NCAPD3: variants seen among roughly 807,000 people sequenced by gnomAD.
NCAPD3 encodes the protein non-SMC condensin II complex subunit D3, also known as condensin-2 complex subunit D3.
A neutral mutation model predicts 182.9 loss-of-function variants in NCAPD3; 105 were observed. The observed-to-expected ratio is 0.57, with a 90% confidence interval of 0.49 to 0.68. NCAPD3 has a LOEUF of 0.68. NCAPD3 is among the 30% of genes least tolerant of loss of function. The pLI is 0.00. For synonymous variants in NCAPD3, 815 were observed against 679.9 expected (o/e 1.20, Z -3.09); for missense variants, 1,944 against 1,837.0 (o/e 1.06, Z -1.07).
intron 27 of NCAPD3, among the ~76,000 whole-genome samples, chr11:134,166,660 CACTT>C (rs35808778): frequency 0.013 from 1,113 of 86,376 alleles, 22 homozygotes; most frequent in Non-Finnish European, 0.02. Context: ...GCAGCACACT[CACTT>C]GTGAGATGAG....
chr11:134,155,062 G>A (rs1250248697), intron 32 of NCAPD3, among the ~76,000 whole-genome samples: 2 of 152,122 alleles, frequency 1.3e-5, no homozygotes, highest in Non-Finnish European at 2.9e-5. Flanking sequence ...GGGCTCTGAC[G>A]TCCCCCATGC....
intron 19 of NCAPD3, among the ~76,000 whole-genome samples, chr11:134,182,630 G>A (rs1243640820): frequency 6.6e-6 from 1 of 152,132 alleles, no homozygotes; most frequent in Non-Finnish European, 1.5e-5. Flanking sequence ...CCAGCACACA[G>A]GATCACTGCT....
intron 24 of NCAPD3, among the ~76,000 whole-genome samples, chr11:134,172,085 G>C (rs1294950986): frequency 6.6e-6 from 1 of 152,164 alleles, no homozygotes; most frequent in Non-Finnish European, 1.5e-5. Flanking sequence ...AAGACAGCTG[G>C]AAGTGGGTCC....
intron 1 of NCAPD3, chr11:134,223,212 G>A: frequency 1.8e-6 from 1 of 554,214 alleles, no homozygotes; most frequent in Non-Finnish European, 3.2e-6. Flanking sequence ...CAAAAGTGTG[G>A]GGGATGGGCT....
At position 134,216,963 on chromosome 11, in the gene NCAPD3, G is replaced by GC. The variant is rs1191243534; in HGVS notation, c.354dup (p.Leu119AlafsTer23). The GC allele has an allele frequency of 6.2e-7, 1 of 1,613,002 alleles. No individual in the cohort carries two copies. The highest frequency in any genetic ancestry group is 2.2e-5 in the East Asian group (1 of 44,858). ...GGTACTTCTAGTAGCAAAAAGTAAA[G>GC]CCCAGCGGCATGAAGGCCATATTCT... On this transcript the variant is annotated frameshift_variant, in exon 3 of 35. Coordinates refer to ENST00000534548, the MANE Select transcript of NCAPD3 (RefSeq NM_015261.3). LOFTEE classifies it high-confidence loss of function.
Position 134,152,655 on chromosome 11 carries a change from A to G in NCAPD3, c.*289T>C, listed in dbSNP as rs577559546. The G allele has an allele frequency of 6.8e-4, 197 of 291,046 alleles. No individual in the cohort carries two copies. Among genetic ancestry groups the G allele is most frequent in the Middle Eastern group, 2.0e-3 (2 of 1,016 alleles). The allele number at this position is 291,046 out of a possible 1,614,324, so 18.0% of individuals were successfully genotyped here. On this transcript the variant is annotated 3_prime_UTR_variant, in exon 35 of 35. Transcript: ENST00000534548. ...TTGTGTTCCTTAAAGACCAGATTAT[A>G]GCTTATCTGAATGGGCTTGACACTT... is the stretch of plus-strand genomic sequence containing the variant.
chr11:134,204,921 A>T lies in NCAPD3; in HGVS notation c.1067T>A (p.Leu356Ter). 6.2e-7 allele frequency: 1 copy of T among 1,613,730 alleles called. No individual in the cohort carries two copies. Among genetic ancestry groups the T allele is most frequent in the Non-Finnish European group, 8.5e-7 (1 of 1,179,652 alleles). Residue 356 changes from leucine (L) to a stop codon, truncating the protein, a stop_gained, in exon 9 of 35, where the codon TTA becomes TAA. Coordinates refer to ENST00000534548, the MANE Select transcript of NCAPD3 (RefSeq NM_015261.3). LOFTEE classifies it high-confidence loss of function. The surrounding 1 kb of genome is among the most constrained non-coding windows in gnomAD (Gnocchi z 4.3). ...KESIFPVVRI[L>*]LQHICAKVVD... ...TACCTTGGCACAGATGTGCTGCAGTAAGATACGGACGACTGGGAATATACT... is the reference window on the plus strand; with the variant it reads ...TACCTTGGCACAGATGTGCTGCAGTTAGATACGGACGACTGGGAATATACT...
intron 13 of NCAPD3, among the ~76,000 whole-genome samples, chr11:134,201,944 TC>T (rs1334911204): frequency 6.6e-6 from 1 of 152,188 alleles, no homozygotes; most frequent in Admixed American, 6.5e-5. Flanking sequence ...AGTAATGTAA[TC>T]ATCCTCAGGG....
At chr11:134,180,947 A>G (rs1944282053) in intron 20 of NCAPD3, 130 bp downstream of exon 20, 1 of 630,492 alleles carries the variant, frequency 1.6e-6, no homozygotes, top group Non-Finnish European at 2.8e-6. Flanking sequence ...CTAAAAAGAG[A>G]AAGTAAGCTC....
Position 134,159,897 on chromosome 11 carries a change from C to G in NCAPD3, c.3862G>C (p.Ala1288Pro), listed in dbSNP as rs755790175. The change falls in exon 29 of 35, where the codon GCA becomes CCA. Residue 1288 changes from alanine (A) to proline (P), a missense_variant. By Grantham distance (27) the Ala-to-Pro change is conservative. Transcript: ENST00000534548. ...TAGGAEVAPV[A>P]QVALCLETVP... Reference sequence around the variant, plus strand: ...GCAGTGGGCCCCACACCTACCTGTGCCACAGGTGCCACCTCAGCACCTCCA... The same window carrying G: ...GCAGTGGGCCCCACACCTACCTGTGGCACAGGTGCCACCTCAGCACCTCCA... 1 of 1,612,084 alleles carries G rather than the reference C, an allele frequency of 6.2e-7. No individual in the cohort carries two copies. Among genetic ancestry groups the G allele is most frequent in the South Asian group, 1.1e-5 (1 of 90,910 alleles).
rs568813069 is a variant in NCAPD3 at position 134,158,129 on chromosome 11, C to T, written c.4035-62G>A. On this transcript the variant is annotated intron_variant, in intron 30 of 34. Transcript: ENST00000534548. ...GCAGACCACTGCAGAGGTGACAGTG[C>T]TGCACTGTGTCCCCGCGTGCCTCCT... The T allele has an allele frequency of 5.1e-6, 8 of 1,580,256 alleles. No individual in the cohort carries two copies. In the South Asian group the frequency reaches 6.9e-5, roughly 14 times the overall value.
intron 13 of NCAPD3, among the ~76,000 whole-genome samples, chr11:134,200,863 G>T (rs1170784243): frequency 6.6e-6 from 1 of 152,116 alleles, no homozygotes; most frequent in Non-Finnish European, 1.5e-5. Context: ...ACAAAATGTG[G>T]TGTATCCTTA....
chr11:134,218,203 T>C (rs539386091), intron 2 of NCAPD3, among the ~76,000 whole-genome samples: 1 of 150,598 alleles, frequency 6.6e-6, no homozygotes. Flanking sequence ...ACGAGGGTGA[T>C]CGATCACCCT....
chr11:134,172,739 G>T (rs899601982), intron 24 of NCAPD3, among the ~76,000 whole-genome samples: 18 of 152,226 alleles, frequency 1.2e-4, no homozygotes, highest in Admixed American at 1.2e-3. Context: ...GTTTATACCA[G>T]CGATTAAAAA....
chr11:134,161,790 G>C lies in NCAPD3; in HGVS notation c.3675C>G (p.His1225Gln). ...NKIPALRELM[H>Q]YLREVMQDYR... ...CAGGCTCCACCCTTACCCTGAGATA[G>C]TGCATGAGTTCCCGCAAAGCTGGGA... Residue 1225 changes from histidine to glutamine, a missense_variant, in exon 28 of 35, where the codon CAC becomes CAG. Physicochemically the swap from His to Gln is conservative, Grantham distance 24. Transcript: ENST00000534548. The C allele has an allele frequency of 4.5e-6, 7 of 1,556,734 alleles. No individual in the cohort carries two copies. The highest frequency in any genetic ancestry group is 4.4e-6 in the Non-Finnish European group (5 of 1,131,592).
chr11:134,196,280 A>C (rs1944626232), intron 13 of NCAPD3, among the ~76,000 whole-genome samples: 1 of 152,236 alleles, frequency 6.6e-6, no homozygotes, highest in Non-Finnish European at 1.5e-5. Flanking sequence ...CAAGTTTTAG[A>C]AAGACACAAA....
chr11:134,181,235 T>C, intron 19 of NCAPD3, 51 bp from the exon 20 acceptor site: 1 of 1,217,616 alleles, frequency 8.2e-7, no homozygotes, highest in Non-Finnish European at 1.2e-6. Flanking sequence ...TCTCCCAGAC[T>C]ACCCATGAAA....
At position 134,185,375 on chromosome 11, in the gene NCAPD3, C is replaced by A; in HGVS notation, c.2197G>T (p.Asp733Tyr). 4 of 1,613,404 alleles carry A rather than the reference C, an allele frequency of 2.5e-6. No individual in the cohort carries two copies. The highest frequency in any genetic ancestry group is 3.4e-6 in the Non-Finnish European group (4 of 1,179,754). ...SKIAGSSPRL[D>Y]YSRIIQSWEK... ...CAAGATTGTATTATTCTGCTGTAGT[C>A]CAGCCTGGGTGAGGAGCCAGCAATC... Residue 733 changes from aspartate (D) to tyrosine (Y), a missense_variant, in exon 17 of 35, where the codon GAC becomes TAC. This residue lies in a region of NCAPD3 where 1,803 missense variants were observed against 1,674.6 expected (regional missense o/e 1.08). Coordinates refer to ENST00000534548, the MANE Select transcript of NCAPD3 (RefSeq NM_015261.3).
chr11:134,207,465 C>T (rs1374058212), intron 7 of NCAPD3, among the ~76,000 whole-genome samples: 2 of 151,794 alleles, frequency 1.3e-5, no homozygotes, highest in African/African-American at 4.8e-5. Flanking sequence ...AAAAAAATAC[C>T]GACTGGGCGC....
Sources: allele counts gnomAD v4.1 joint callset (sites outside exome capture counted in the v4.1 genomes callset), GRCh38; gene constraint gnomAD v4.1.1; regional missense constraint gnomAD v4.1.1; non-coding constraint Gnocchi (gnomAD v3.1); transcripts MANE v1.5; gene names NCBI Gene and HGNC (gene_info 2026-07-23, HGNC 2026-07-21).